Variants in COMMD1 observed in about 807,000 individuals in gnomAD.
The protein encoded by COMMD1 is COMM domain-containing protein 1.
In COMMD1, 10 loss-of-function variants were observed where a neutral mutation model predicts 17.2. The observed-to-expected ratio is 0.58, with a 90% confidence interval of 0.36 to 0.99. COMMD1 has a LOEUF of 0.99. Among genes scored for constraint, COMMD1 ranks in the 50% least tolerant of loss-of-function variants. COMMD1 has a pLI of 0.01. For missense variants in COMMD1, 270 were observed against 231.8 expected (o/e 1.17, Z -1.07); for synonymous variants, 97 against 91.6 (o/e 1.06, Z -0.34).
At chr2:62,107,632 T>A (rs2104035344) in intron 2 of COMMD1, among the ~76,000 whole-genome samples, 1 of 152,328 alleles carries the variant, frequency 6.6e-6, no homozygotes, top group South Asian at 2.1e-4. Flanking sequence ...TTTTATTGAT[T>A]AGAAAGAAAT....
At position 61,937,638 on chromosome 2, in the gene COMMD1, C is replaced by G. The variant is rs558371431; in HGVS notation, c.180+31780C>G. Among the ~76,000 whole-genome samples the G allele has an allele frequency of 2.7e-4, 41 of 152,278 alleles. 1 individual carries two copies. The highest frequency in any genetic ancestry group is 9.9e-4 in the African/African-American group (41 of 41,552). On this transcript the variant is annotated intron_variant, in intron 1 of 2. Coordinates refer to ENST00000311832, the MANE Select transcript of COMMD1 (RefSeq NM_152516.4). ...GCCAAAGGTGAGGTTACAAAACTGA[C>G]TTATTTTTAACTTCTATGCTACGCA...
At chr2:62,032,036 C>G (rs1276273413) in intron 2 of COMMD1, among the ~76,000 whole-genome samples, 1 of 152,178 alleles carries the variant, frequency 6.6e-6, no homozygotes, top group Non-Finnish European at 1.5e-5. Flanking sequence ...CAATCTAACA[C>G]TTCATACAAT....
At chr2:62,084,220 C>T (rs1671598654) in intron 2 of COMMD1, among the ~76,000 whole-genome samples, 1 of 152,056 alleles carries the variant, frequency 6.6e-6, no homozygotes, top group Non-Finnish European at 1.5e-5. Context: ...TCCCCCACGC[C>T]CAGCATAGTC....
chr2:61,998,650 G>A (rs1275644127), intron 1 of COMMD1, among the ~76,000 whole-genome samples: 2 of 152,192 alleles, frequency 1.3e-5, no homozygotes, highest in African/African-American at 4.8e-5. Flanking sequence ...AACTTGGCTA[G>A]CTGTCTGGCA....
At chr2:61,891,467 G>A (rs535298226) in intron 1 of COMMD1, among the ~76,000 whole-genome samples, 2 of 152,222 alleles carry the variant, frequency 1.3e-5, no homozygotes, top group African/African-American at 4.8e-5. Context: ...CGGGCGTGGT[G>A]GCTCACACTT....
intron 2 of COMMD1, among the ~76,000 whole-genome samples, chr2:62,027,523 AT>A (rs1383136084): frequency 6.6e-6 from 1 of 152,204 alleles, no homozygotes; most frequent in Non-Finnish European, 1.5e-5. Context: ...ACTGTATTGA[AT>A]ATGGGCATTA....
At chr2:62,104,633 CAAAAAAA>C (rs35679940) in intron 2 of COMMD1, among the ~76,000 whole-genome samples, 2 of 76,750 alleles carry the variant, frequency 2.6e-5, no homozygotes, top group African/African-American at 5.1e-5. Flanking sequence ...GACTCCGTCT[CAAAAAAA>C]AAAAAAAAAA....
rs1394413993 is a variant in COMMD1, at chr2:62,000,776, A to G, written c.256A>G (p.Ile86Val). The G allele has an allele frequency of 6.2e-7, 1 of 1,614,152 alleles. No homozygotes were observed. Among genetic ancestry groups the G allele is most frequent in the Non-Finnish European group, 8.5e-7 (1 of 1,180,010 alleles). Reference protein sequence around the residue: ...LTAQTKKQGGITSDQAAVISK... With the variant: ...LTAQTKKQGGVTSDQAAVISK... ...TGCTCAAACCAAAAAGCAAGGTGGG[A>G]TCACATCTGACCAAGCTGCTGTCAT... The change falls in exon 2 of 3, where the codon ATC (isoleucine) becomes GTC (valine). Residue 86 changes from isoleucine (I) to valine (V), a missense_variant. By Grantham distance (29) the Ile-to-Val change is conservative. Coordinates refer to ENST00000311832, the MANE Select transcript of COMMD1 (RefSeq NM_152516.4).
intron 2 of COMMD1, among the ~76,000 whole-genome samples, chr2:62,018,222 A>T (rs1391978792): frequency 6.6e-6 from 1 of 152,146 alleles, no homozygotes; most frequent in Non-Finnish European, 1.5e-5. Flanking sequence ...GTCACTGTTC[A>T]TTGGAATTAG....
chr2:62,072,965 C>T (rs1353597679), intron 2 of COMMD1, among the ~76,000 whole-genome samples: 1 of 152,214 alleles, frequency 6.6e-6, no homozygotes. Context: ...GGGATCCAGG[C>T]TGATAGTGCT....
At chr2:61,958,972 A>G (rs760210774) in intron 1 of COMMD1, among the ~76,000 whole-genome samples, 8 of 152,164 alleles carry the variant, frequency 5.3e-5, no homozygotes, top group Non-Finnish European at 8.8e-5. Flanking sequence ...AAGGCCGCGA[A>G]CACTGATTTT....
intron 1 of COMMD1, among the ~76,000 whole-genome samples, chr2:61,910,675 G>A (rs958073660): frequency 6.6e-6 from 1 of 152,146 alleles, no homozygotes; most frequent in African/African-American, 2.4e-5. Context: ...GTAAATCCCA[G>A]TTTACTGAAA....
chr2:62,074,688 A>T (rs906770414), intron 2 of COMMD1, among the ~76,000 whole-genome samples: 1 of 152,200 alleles, frequency 6.6e-6, no homozygotes, highest in African/African-American at 2.4e-5. Context: ...CAGGAAAAAC[A>T]AAAACTAAGT....
At chr2:62,070,935 G>A (rs751603678) in intron 2 of COMMD1, among the ~76,000 whole-genome samples, 6 of 152,168 alleles carry the variant, frequency 3.9e-5, no homozygotes, top group Non-Finnish European at 8.8e-5. Flanking sequence ...GGAGGCTGAG[G>A]CAGGAGAATC....
chr2:61,993,038 C>A (rs749919158), intron 1 of COMMD1, among the ~76,000 whole-genome samples: 3 of 146,190 alleles, frequency 2.1e-5, no homozygotes, highest in South Asian at 2.1e-4. Context: ...GTACAACTTA[C>A]CTTATACCTC....
chr2:61,964,328 C>T (rs1248189844), intron 1 of COMMD1, among the ~76,000 whole-genome samples: 1 of 152,054 alleles, frequency 6.6e-6, no homozygotes, highest in Non-Finnish European at 1.5e-5. Flanking sequence ...TCTAGCAGTC[C>T]TCCCATCTCA....
chr2:61,895,535 A>C (rs190136324), intron 1 of COMMD1, among the ~76,000 whole-genome samples: 9 of 152,292 alleles, frequency 5.9e-5, no homozygotes, highest in Admixed American at 2.6e-4. Flanking sequence ...AGGCCCACCA[A>C]CATCAGTTTC....
intron 2 of COMMD1, among the ~76,000 whole-genome samples, chr2:62,072,589 C>T (rs977881290): frequency 5.3e-5 from 8 of 152,214 alleles, no homozygotes; most frequent in Non-Finnish European, 7.3e-5. Context: ...GTATGAAAAG[C>T]GCTGTAACAT....
intron 2 of COMMD1, among the ~76,000 whole-genome samples, chr2:62,040,710 C>T (rs1670165584): frequency 6.6e-6 from 1 of 151,810 alleles, no homozygotes; most frequent in African/African-American, 2.4e-5. Flanking sequence ...TTGCCCCCTT[C>T]CCCCCTCCCT....
Sources: allele counts gnomAD v4.1 joint callset (sites outside exome capture counted in the v4.1 genomes callset), GRCh38; gene constraint gnomAD v4.1.1; transcripts MANE v1.5; gene names NCBI Gene and HGNC (gene_info 2026-07-23, HGNC 2026-07-21).